Variants in BNC2 observed in about 807,000 individuals in gnomAD.
The protein encoded by BNC2 is basonuclin zinc finger protein 2.
Under a neutral mutation model 76.3 loss-of-function variants are expected in BNC2, and 20 were observed. The observed-to-expected ratio is 0.26, with a 90% CI of 0.18 to 0.38. The LOEUF is 0.38. BNC2 is among the 10% of genes least tolerant of loss of function. The probability of loss-of-function intolerance (pLI) is 1.00; values close to 1 mark genes in which losing one functional copy is unlikely to be tolerated. For synonymous variants in BNC2, 582 were observed against 514.8 expected, an observed-to-expected ratio of 1.13 and a Z score of -1.77; for missense variants, 1,382 against 1,399.8, an observed-to-expected ratio of 0.99 and a Z score of 0.20.
chr9:16,865,384 A>G (rs932964245), intron 1 of BNC2, among the ~76,000 whole-genome samples: 6 of 152,148 alleles, frequency 3.9e-5, no homozygotes, highest in African/African-American at 1.4e-4. Flanking sequence ...AGTGAACGTA[A>G]TTTGTTACAA....
intron 3 of BNC2, among the ~76,000 whole-genome samples, chr9:16,693,127 C>CA (rs34223075): frequency 0.79 from 47,766 of 60,566 alleles, 19,068 homozygotes; most frequent in East Asian, 0.83. Flanking sequence ...AAGACAGTCT[C>CA]AAAAAAAAAA....
At chr9:16,766,473 T>C (rs1042177899) in intron 1 of BNC2, among the ~76,000 whole-genome samples, 1 of 152,174 alleles carries the variant, frequency 6.6e-6, no homozygotes, top group African/African-American at 2.4e-5. Flanking sequence ...TCTACTGGGA[T>C]GGGAACCCAG....
chr9:16,846,386 T>C (rs1818984217), intron 1 of BNC2, among the ~76,000 whole-genome samples: 1 of 152,162 alleles, frequency 6.6e-6, no homozygotes, highest in Non-Finnish European at 1.5e-5. Context: ...ATAAGAAAAG[T>C]CATCGTATTT....
At chr9:16,804,935 G>A (rs529441148) in intron 1 of BNC2, among the ~76,000 whole-genome samples, 27 of 152,132 alleles carry the variant, frequency 1.8e-4, no homozygotes, top group East Asian at 3.9e-4. Context: ...GGTGGCATGC[G>A]CCTGTAGTCC....
chr9:16,686,587 CCT>C (rs767862176), intron 3 of BNC2, among the ~76,000 whole-genome samples: 46 of 152,290 alleles, frequency 3.0e-4, no homozygotes, highest in African/African-American at 9.6e-4. Context: ...TCAAAGCACT[CCT>C]CTGTTTTGTT....
intron 1 of BNC2, among the ~76,000 whole-genome samples, chr9:16,829,874 T>C (rs1302773285): frequency 3.3e-5 from 5 of 152,150 alleles, no homozygotes; most frequent in African/African-American, 1.2e-4. Flanking sequence ...AATGCCCCCC[T>C]AAAGAAAATA....
At chr9:16,831,704 C>G (rs1818581139) in intron 1 of BNC2, among the ~76,000 whole-genome samples, 1 of 152,140 alleles carries the variant, frequency 6.6e-6, no homozygotes, top group Non-Finnish European at 1.5e-5. Context: ...GGTGGTTGAA[C>G]TCGACACACT....
chr9:16,526,023 T>C (rs1817789641), intron 5 of BNC2, among the ~76,000 whole-genome samples: 1 of 152,176 alleles, frequency 6.6e-6, no homozygotes, highest in African/African-American at 2.4e-5. Context: ...TTCTATCTAC[T>C]AGATACTGTA....
Position 16,748,576 on chromosome 9 carries a change from G to C in BNC2, c.4-10091C>G, listed in dbSNP as rs530214639. 3.5e-4 allele frequency among the ~76,000 whole-genome samples: 53 copies of C among 151,746 alleles called. No individual in the cohort carries two copies. The South Asian group carries it at 0.01, about 30-fold the overall frequency. Reference sequence around the variant, plus strand: ...AAGGAGAATTTGCCCGGGTGCAGTGGCTCATGCCTGTATCCCAGCACTGTG... The same window carrying C: ...AAGGAGAATTTGCCCGGGTGCAGTGCCTCATGCCTGTATCCCAGCACTGTG... On this transcript the variant is annotated intron_variant, in intron 1 of 6. Transcript: ENST00000380672.
At chr9:16,549,460 T>C (rs1170947321) in intron 5 of BNC2, among the ~76,000 whole-genome samples, 2 of 152,234 alleles carry the variant, frequency 1.3e-5, no homozygotes, top group African/African-American at 2.4e-5. Context: ...TACAAGACAA[T>C]TGAGTTTTAG....
intron 1 of BNC2, among the ~76,000 whole-genome samples, chr9:16,773,908 CA>C (rs1825895152): frequency 6.6e-6 from 1 of 152,208 alleles, no homozygotes; most frequent in Non-Finnish European, 1.5e-5. Context: ...CCCACGCCCC[CA>C]ATCTCAGCTG....
rs1821031122 is a variant in BNC2, at chr9:16,437,016, A to C, written c.1178T>G (p.Val393Gly). ...ACAGGCTGGCTCGGTTTTGGGCTCCACATTAGTAATGCTGGTCAGGGCATT... is the reference window on the plus strand; with the variant it reads ...ACAGGCTGGCTCGGTTTTGGGCTCCCCATTAGTAATGCTGGTCAGGGCATT... ...NRNALTSITN[V>G]EPKTEPACVS... Residue 393 changes from valine to glycine, a missense_variant, in exon 6 of 7, where the codon GTG becomes GGG. Transcript: ENST00000380672. The C allele has an allele frequency of 6.2e-7, 1 of 1,614,116 alleles. No individual in the cohort carries two copies. The highest frequency in any genetic ancestry group is 1.3e-5 in the African/African-American group (1 of 75,018).
At chr9:16,455,434 G>C (rs370205547) in intron 5 of BNC2, among the ~76,000 whole-genome samples, 1 of 152,174 alleles carries the variant, frequency 6.6e-6, no homozygotes. Context: ...TACACAGAGT[G>C]GGGGGAGTAG....
chr9:16,646,022 C>T (rs1301870606), intron 3 of BNC2, among the ~76,000 whole-genome samples: 2 of 152,194 alleles, frequency 1.3e-5, no homozygotes, highest in Non-Finnish European at 2.9e-5. Flanking sequence ...CTGAAAAGGC[C>T]TTCGTATTGT....
intron 1 of BNC2, among the ~76,000 whole-genome samples, chr9:16,793,601 C>T (rs1289198524): frequency 2.0e-5 from 3 of 150,584 alleles, no homozygotes; most frequent in Admixed American, 6.6e-5. Context: ...TATGCCTGGC[C>T]AATTCTAGAT....
chr9:16,657,772 T>C (rs1821972141), intron 3 of BNC2, among the ~76,000 whole-genome samples: 1 of 152,190 alleles, frequency 6.6e-6, no homozygotes, highest in South Asian at 2.1e-4. Flanking sequence ...GACATACAAA[T>C]ACACAAATGC....
chr9:16,848,857 T>C (rs1183033130), intron 1 of BNC2, among the ~76,000 whole-genome samples: 1 of 152,226 alleles, frequency 6.6e-6, no homozygotes, highest in Non-Finnish European at 1.5e-5. Context: ...TGCTTTCTGA[T>C]GTCCACGTAC....
intron 5 of BNC2, among the ~76,000 whole-genome samples, chr9:16,544,095 C>A (rs1458236533): frequency 6.6e-6 from 1 of 152,032 alleles, no homozygotes; most frequent in Non-Finnish European, 1.5e-5. Context: ...ATCAAATAAT[C>A]CCCCCTTTAT....
intron 5 of BNC2, among the ~76,000 whole-genome samples, chr9:16,510,361 T>C (rs1369957625): frequency 6.6e-6 from 1 of 152,186 alleles, no homozygotes; most frequent in Non-Finnish European, 1.5e-5. Flanking sequence ...GTCTCCTACT[T>C]CGTCATGAAA....
Sources: allele counts gnomAD v4.1 joint callset (sites outside exome capture counted in the v4.1 genomes callset), GRCh38; gene constraint gnomAD v4.1.1; transcripts MANE v1.5; gene names NCBI Gene and HGNC (gene_info 2026-07-23, HGNC 2026-07-21).